Variants in RANBP2 observed in about 807,000 individuals in gnomAD.
RANBP2 encodes RAN binding protein 2.
A neutral mutation model predicts 303.6 loss-of-function variants in RANBP2; 57 were observed. The observed-to-expected ratio is 0.19, with a 90% CI of 0.15 to 0.23. RANBP2 has a LOEUF of 0.23. Ranked by LOEUF, RANBP2 falls within the 10% of genes least tolerant of loss-of-function variation. The pLI is 1.00. For synonymous variants in RANBP2, 1,167 were observed against 1,301.5 expected (o/e 0.90, Z 2.23); for missense variants, 3,138 against 3,780.8 (o/e 0.83, Z 4.46).
At chr2:109,266,922 G>A in the RANBP2 span, among the ~76,000 whole-genome samples, 2 of 152,240 alleles carry the variant, frequency 1.3e-5, no homozygotes, top group African/African-American at 4.8e-5. Context: ...GAGCAGGAGA[G>A]GATGTCTGTG....
chr2:108,723,960 A>G (rs1271560026), intron 1 of RANBP2, among the ~76,000 whole-genome samples: 2 of 152,124 alleles, frequency 1.3e-5, no homozygotes, highest in South Asian at 2.1e-4. Context: ...GACTTCTCCA[A>G]CCAGGATTGG....
At chr2:108,820,701 A>AG in the RANBP2 span, among the ~76,000 whole-genome samples, 1 of 44,774 alleles carries the variant, frequency 2.2e-5, no homozygotes, top group Non-Finnish European at 3.8e-5. Flanking sequence ...TCAAAGTGCA[A>AG]AAAAAAAAAA....
chr2:109,049,142 G>T, the RANBP2 span, among the ~76,000 whole-genome samples: 2 of 152,206 alleles, frequency 1.3e-5, no homozygotes, highest in Non-Finnish European at 2.9e-5. Context: ...TGAGGAGGAG[G>T]CTGTATTTTC....
At chr2:108,781,548 GA>G in intron 26 of RANBP2, 119 bp downstream of exon 26, 2 of 923,818 alleles carry the variant, frequency 2.2e-6, no homozygotes, top group Non-Finnish European at 3.3e-6. Context: ...GTTTGAAATG[GA>G]AGCTCTATTT....
chr2:108,901,777 CTT>C, the RANBP2 span, among the ~76,000 whole-genome samples: 6 of 152,304 alleles, frequency 3.9e-5, no homozygotes, highest in East Asian at 5.8e-4. Flanking sequence ...TTTGAACAGA[CTT>C]ATAACTATTA....
At chr2:109,252,092 C>T in the RANBP2 span, among the ~76,000 whole-genome samples, 127 of 61,910 alleles carry the variant, frequency 2.1e-3, 5 homozygotes, top group South Asian at 0.054. Flanking sequence ...ACAAAAAATA[C>T]AAATAGCTGA....
At chr2:109,046,388 CT>C in the RANBP2 span, among the ~76,000 whole-genome samples, 50,573 of 142,042 alleles carry the variant, frequency 0.36, 9,483 homozygotes, top group Middle Eastern at 0.42. Context: ...TTTAAACTTA[CT>C]TTTTTTCTTT....
the RANBP2 span, among the ~76,000 whole-genome samples, chr2:109,078,244 C>CGT: frequency 6.8e-4 from 8 of 11,842 alleles, no homozygotes; most frequent in Admixed American, 1.3e-3. Context: ...ATATATATAG[C>CGT]GTGTATATAT....
chr2:109,442,138 C>T, the RANBP2 span, among the ~76,000 whole-genome samples: 22 of 151,900 alleles, frequency 1.4e-4, no homozygotes, highest in Admixed American at 5.2e-4. Flanking sequence ...AGTGAAACCC[C>T]GTCTCTACTA....
In RANBP2 at chr2:108,777,227, T is replaced by C; in HGVS notation, c.8595T>C (p.Ser2865=). 6.2e-7 allele frequency: 1 copy of C among 1,612,850 alleles called. No individual in the cohort carries two copies. The highest frequency in any genetic ancestry group is 1.1e-5 in the South Asian group (1 of 91,052). The change falls in exon 25 of 29, where the codon TCT becomes TCC. Residue 2865 remains serine, a synonymous_variant. Transcript: ENST00000283195. ...ATTCTGGAGATTTTGCTTTTGGTTC[T>C]AAAGGTAAGATCAAGAGGAGAGACT... is the stretch of plus-strand genomic sequence containing the variant. ...SSNSGDFAFG[S]KDKNFQWANT...
the RANBP2 span, among the ~76,000 whole-genome samples, chr2:109,005,328 A>T: frequency 2.0e-5 from 3 of 152,226 alleles, no homozygotes; most frequent in Non-Finnish European, 2.9e-5. Flanking sequence ...CATGTTGCAC[A>T]GAAGGTCAAG....
chr2:108,904,918 A>G, the RANBP2 span, among the ~76,000 whole-genome samples: 1 of 152,100 alleles, frequency 6.6e-6, no homozygotes, highest in Admixed American at 6.6e-5. Flanking sequence ...CCTGGTTGTG[A>G]CTTCTGTGTA....
the RANBP2 span, among the ~76,000 whole-genome samples, chr2:109,687,578 C>G: frequency 6.6e-6 from 1 of 152,018 alleles, no homozygotes; most frequent in Admixed American, 6.6e-5. Context: ...AAACCTGGCT[C>G]TCCTCGACCA....
the RANBP2 span, among the ~76,000 whole-genome samples, chr2:109,658,424 T>A: frequency 6.6e-6 from 1 of 151,612 alleles, no homozygotes. Context: ...CCAGCCTGGG[T>A]GATGAGCAAG....
the RANBP2 span, among the ~76,000 whole-genome samples, chr2:108,833,894 ATTTTTTTT>A: frequency 2.3e-4 from 18 of 79,222 alleles, no homozygotes; most frequent in African/African-American, 6.5e-4. Flanking sequence ...CGCCCGGCTA[ATTTTTTTT>A]TTTTTTTTTT....
In RANBP2 at chr2:108,730,928, C is replaced by G. The variant is rs772821797; in HGVS notation, c.252+43C>G. 20 of 1,605,616 alleles carry G rather than the reference C, an allele frequency of 1.2e-5. No homozygotes were observed. The South Asian group carries it at 2.0e-4, about 16-fold the overall frequency. On this transcript the variant is annotated intron_variant, in intron 3 of 28. Coordinates refer to ENST00000283195, the MANE Select transcript of RANBP2 (RefSeq NM_006267.5). Reference sequence around the variant, plus strand: ...AATATAGCCTTTGCATAGCCAAACACATGATGCCCAGAGAAATTTATATAA... The same window carrying G: ...AATATAGCCTTTGCATAGCCAAACAGATGATGCCCAGAGAAATTTATATAA...
In RANBP2 at chr2:108,767,622, G is replaced by T; in HGVS notation, c.7083G>T (p.Gln2361His). 1.2e-6 allele frequency: 2 copies of T among 1,611,880 alleles called. No individual in the cohort carries two copies. The highest frequency in any genetic ancestry group is 1.7e-6 in the Non-Finnish European group (2 of 1,179,820). ...GCATTGGTGATATAAAGATTTTACA[G>T]AATTATGATAATAAGCAAGTTCGTA... ...ERGIGDIKILQNYDNKQVRIV... is the reference protein window; with the variant it reads ...ERGIGDIKILHNYDNKQVRIV... The change falls in exon 20 of 29, where the codon CAG (glutamine) becomes CAT (histidine). Residue 2361 changes from glutamine to histidine, a missense_variant. Around this residue, in one of 20 missense-constraint regions of RANBP2, gnomAD observed 92 missense variants for 211.0 expected, o/e 0.44. Coordinates refer to ENST00000283195, the MANE Select transcript of RANBP2 (RefSeq NM_006267.5).
chr2:109,377,071 G>GA, the RANBP2 span, among the ~76,000 whole-genome samples: 4 of 152,208 alleles, frequency 2.6e-5, no homozygotes, highest in African/African-American at 9.6e-5. Context: ...GGCTTGGGCT[G>GA]AAAAAATAGG....
the RANBP2 span, among the ~76,000 whole-genome samples, chr2:109,170,303 TCTTCTCTTCTCTC>T: frequency 4.6e-4 from 59 of 127,560 alleles, 2 homozygotes; most frequent in African/African-American, 1.6e-3. Context: ...TCTTCTCTTC[TCTTCTCTTCTCTC>T]CTCTCTCTCT....
Sources: allele counts gnomAD v4.1 joint callset (sites outside exome capture counted in the v4.1 genomes callset), GRCh38; gene constraint gnomAD v4.1.1; regional missense constraint gnomAD v4.1.1; transcripts MANE v1.5; gene names NCBI Gene and HGNC (gene_info 2026-07-23, HGNC 2026-07-21).